Variants in EXD3 observed in about 807,000 individuals in gnomAD.
EXD3 encodes exonuclease 3'-5' domain containing 3, also known as exonuclease mut-7 homolog.
A neutral mutation model predicts 98.0 loss-of-function variants in EXD3; 92 were observed. The ratio of observed to expected loss-of-function variants is 0.94; its 90% CI spans 0.79 to 1.12. EXD3 has a LOEUF of 1.12. Among genes scored for constraint, EXD3 ranks in the 50% most tolerant of loss-of-function variants. The pLI is 0.00. For missense variants in EXD3, 1,222 were observed against 1,191.6 expected, an observed-to-expected ratio of 1.03 and a Z score of -0.38; for synonymous variants, 569 against 526.0, an observed-to-expected ratio of 1.08 and a Z score of -1.12.
At chr9:137,373,852 A>C (rs1415438079) in intron 3 of EXD3, among the ~76,000 whole-genome samples, 1 of 152,242 alleles carries the variant, frequency 6.6e-6, no homozygotes, top group African/African-American at 2.4e-5. Flanking sequence ...CCAGGCAGAC[A>C]GAGGGCCGCT....
chr9:137,328,298 T>C lies in EXD3; in HGVS notation c.1999-4155A>G, dbSNP rs77842334. On this transcript the variant is annotated intron_variant, in intron 17 of 21. Coordinates refer to ENST00000340951, the MANE Select transcript of EXD3 (RefSeq NM_017820.5). ...CCACATGATGAGTAAAAACAACGAA[T>C]AAACACCCATATGATGAGTAAAAAC... Among the ~76,000 whole-genome samples the C allele has an allele frequency of 5.8e-3, 465 of 79,988 alleles. 21 individuals carry two copies. Among genetic ancestry groups the C allele is most frequent in the Middle Eastern group, 0.024 (2 of 84 alleles). 52.5% of individuals were successfully genotyped at this position (79,988 alleles called of 152,430 possible).
At chr9:137,375,765 T>A (rs1835869312) in intron 3 of EXD3, among the ~76,000 whole-genome samples, 1 of 152,182 alleles carries the variant, frequency 6.6e-6, no homozygotes, top group Non-Finnish European at 1.5e-5. Context: ...AAACAAAACA[T>A]CATTCTTTAA....
At chr9:137,367,541 G>C (rs919839232) in intron 6 of EXD3, 2 of 185,496 alleles carry the variant, frequency 1.1e-5, no homozygotes, top group Non-Finnish European at 2.2e-5. Context: ...CATCTGTCCG[G>C]AAATTCACAG....
Position 137,414,888 on chromosome 9 carries a change from C to T in EXD3, c.-48+8226G>A, listed in dbSNP as rs1838164368. ...TTTTTATGTTTTTGAGATGGAGTCT[C>T]GCTCTGTTGTCCAGGCTGAGACGGA... On this transcript the variant is annotated intron_variant, in intron 1 of 21. Coordinates refer to ENST00000340951, the MANE Select transcript of EXD3 (RefSeq NM_017820.5). Among the ~76,000 whole-genome samples the T allele has an allele frequency of 3.3e-5, 5 of 152,154 alleles. No individual in the cohort carries two copies. The South Asian group carries it at 8.3e-4, about 25-fold the overall frequency.
chr9:137,368,951 G>A (rs1233404707), intron 5 of EXD3, among the ~76,000 whole-genome samples: 1 of 147,574 alleles, frequency 6.8e-6, no homozygotes, highest in Non-Finnish European at 1.5e-5. Flanking sequence ...TCAGGCCCGT[G>A]AGGAGGGGCA....
chr9:137,421,244 A>G (rs1216795806), intron 1 of EXD3, among the ~76,000 whole-genome samples: 5 of 152,286 alleles, frequency 3.3e-5, no homozygotes, highest in Non-Finnish European at 5.9e-5. Flanking sequence ...TGATGTGGGG[A>G]AAAAAAGTCT....
chr9:137,420,741 C>T (rs1179318146), intron 1 of EXD3, among the ~76,000 whole-genome samples: 1 of 146,884 alleles, frequency 6.8e-6, no homozygotes, highest in Non-Finnish European at 1.5e-5. Flanking sequence ...ACATTCACCC[C>T]CCCCCCCAAA....
chr9:137,397,027 G>A (rs1364042847), intron 1 of EXD3, among the ~76,000 whole-genome samples: 1 of 152,206 alleles, frequency 6.6e-6, no homozygotes, highest in Admixed American at 6.5e-5. Context: ...GGCAGTGAGT[G>A]TGTGGGCAGG....
intron 1 of EXD3, among the ~76,000 whole-genome samples, chr9:137,421,404 A>G (rs1838504467): frequency 6.6e-6 from 1 of 152,250 alleles, no homozygotes; most frequent in Non-Finnish European, 1.5e-5. Flanking sequence ...TATCTTTGGT[A>G]GAAATGGGGA....
intron 3 of EXD3, 110 bp downstream of exon 3, chr9:137,383,203 G>C: frequency 2.2e-6 from 2 of 898,236 alleles, no homozygotes; most frequent in Non-Finnish European, 1.8e-6. Flanking sequence ...GTGGCCGTGG[G>C]GGGCTGTGCA....
chr9:137,353,045 A>C (rs73581564), intron 10 of EXD3: 149,525 of 1,310,632 alleles, frequency 0.11, 9,329 homozygotes, highest in Admixed American at 0.25. Flanking sequence ...CGGGTCTCCA[A>C]GCCTGAGGTG....
At chr9:137,396,205 T>C (rs1837210332) in intron 1 of EXD3, among the ~76,000 whole-genome samples, 1 of 152,038 alleles carries the variant, frequency 6.6e-6, no homozygotes, top group South Asian at 2.1e-4. Flanking sequence ...TGACCTCAGG[T>C]GATCCACCCG....
Position 137,385,212 on chromosome 9 carries a change from C to T in EXD3, c.56-1835G>A, listed in dbSNP as rs145236145. On this transcript the variant is annotated intron_variant, in intron 2 of 21. Transcript: ENST00000340951. This position sits in a 1 kb window ranked among gnomAD's most constrained non-coding sequence, Gnocchi z 4.4. The stretch of plus-strand genomic sequence containing the variant: ...TTCCCGTCTGCGCTCAGAACCGTCC[C>T]ACCATCGTGCACAGTGTGCTGCATA... Among the ~76,000 whole-genome samples, 1,100 of 152,322 alleles carry T rather than the reference C, an allele frequency of 7.2e-3. 12 individuals are homozygous for T. The highest frequency in any genetic ancestry group is 0.025 in the African/African-American group (1,036 of 41,580).
intron 17 of EXD3, among the ~76,000 whole-genome samples, chr9:137,342,493 T>G (rs920068831): frequency 6.6e-6 from 1 of 152,154 alleles, no homozygotes; most frequent in Non-Finnish European, 1.5e-5. Flanking sequence ...TGTGAAGTGT[T>G]GTCTATCTGA....
intron 2 of EXD3, among the ~76,000 whole-genome samples, chr9:137,387,808 G>T (rs998152967): frequency 6.6e-6 from 1 of 152,220 alleles, no homozygotes. Flanking sequence ...GCTTCTGGGG[G>T]CCTTTGGTCC....
intron 19 of EXD3, among the ~76,000 whole-genome samples, chr9:137,321,237 T>C (rs1832016717): frequency 6.6e-6 from 1 of 152,214 alleles, no homozygotes; most frequent in South Asian, 2.1e-4. Flanking sequence ...GGCCTGCATC[T>C]GTTTCTGCTC....
At chr9:137,328,139 TAAACACCGAC>T (rs1832580042) in intron 17 of EXD3, among the ~76,000 whole-genome samples, 9 of 114,196 alleles carry the variant, frequency 7.9e-5, no homozygotes, top group Middle Eastern at 5.2e-3. Flanking sequence ...AAACAACGAA[TAAACACCGAC>T]ATGATGAGTA....
intron 17 of EXD3, among the ~76,000 whole-genome samples, chr9:137,344,499 C>T (rs960805530): frequency 1.3e-5 from 2 of 152,168 alleles, no homozygotes; most frequent in South Asian, 2.1e-4. Context: ...TCAGCATCTG[C>T]GGAGGCGGCC....
At chr9:137,318,808 C>T (rs2119080108) in intron 19 of EXD3, among the ~76,000 whole-genome samples, 1 of 152,312 alleles carries the variant, frequency 6.6e-6, no homozygotes, top group South Asian at 2.1e-4. Flanking sequence ...GTCCCACCGC[C>T]TGGGGTCTCT....
Sources: allele counts gnomAD v4.1 joint callset (sites outside exome capture counted in the v4.1 genomes callset), GRCh38; gene constraint gnomAD v4.1.1; non-coding constraint Gnocchi (gnomAD v3.1); transcripts MANE v1.5; gene names NCBI Gene and HGNC (gene_info 2026-07-23, HGNC 2026-07-21).